Variants in RFTN2 observed in about 807,000 individuals in gnomAD.
RFTN2 encodes the protein raftlin family member 2.
Under a neutral mutation model 52.7 loss-of-function variants are expected in RFTN2, and 34 were observed. The observed-to-expected ratio is 0.64, with a 90% confidence interval of 0.49 to 0.86. The LOEUF (loss-of-function observed/expected upper bound fraction) is 0.86. Among genes scored for constraint, RFTN2 ranks in the 40% least tolerant of loss-of-function variants. The pLI is 0.00. For synonymous variants in RFTN2, 203 were observed against 217.7 expected (o/e 0.93, Z 0.59); for missense variants, 536 against 600.1 (o/e 0.89, Z 1.12).
At chr2:197,590,027 TC>T (rs1206896641) in intron 8 of RFTN2, among the ~76,000 whole-genome samples, 8 of 104,412 alleles carry the variant, frequency 7.7e-5, no homozygotes, top group Non-Finnish European at 1.4e-4. Context: ...CCACCCCCAC[TC>T]CCCCAAGTAG....
chr2:197,617,312 A>G (rs551342947), intron 6 of RFTN2, among the ~76,000 whole-genome samples: 2 of 152,306 alleles, frequency 1.3e-5, no homozygotes, highest in African/African-American at 4.8e-5. Context: ...TTATTTCTCT[A>G]TCTTGCAAAA....
At chr2:197,642,213 T>C (rs2088684832) in intron 3 of RFTN2, among the ~76,000 whole-genome samples, 1 of 152,174 alleles carries the variant, frequency 6.6e-6, no homozygotes, top group Admixed American at 6.5e-5. Context: ...ATACATAGTA[T>C]TTAACGCTTG....
In RFTN2 at chr2:197,581,105, C is replaced by A. The variant is rs188325205; in HGVS notation, c.1234-8825G>T. ...CCCTTACCCTGCTCAATGCCACTAT[C>A]CCATCCCACAACAGGCTTTAAGGGG... On this transcript the variant is annotated intron_variant, in intron 8 of 8. Coordinates refer to ENST00000295049, the MANE Select transcript of RFTN2 (RefSeq NM_144629.3). Among the ~76,000 whole-genome samples, 148 of 152,278 alleles carry A rather than the reference C, an allele frequency of 9.7e-4. 2 individuals carry two copies. The highest frequency in any genetic ancestry group is 1.3e-4 in the Non-Finnish European group (9 of 68,034).
intron 1 of RFTN2, among the ~76,000 whole-genome samples, chr2:197,666,423 G>T (rs947416513): frequency 1.3e-5 from 2 of 152,160 alleles, no homozygotes; most frequent in Non-Finnish European, 2.9e-5. Flanking sequence ...AGTATCCTTG[G>T]CTGGCAGTAT....
intron 3 of RFTN2, among the ~76,000 whole-genome samples, chr2:197,636,058 C>T (rs1472404329): frequency 1.4e-4 from 21 of 149,556 alleles, no homozygotes; most frequent in Non-Finnish European, 3.1e-4. Flanking sequence ...AGATATGCGG[C>T]GTTATTTCTG....
intron 8 of RFTN2, among the ~76,000 whole-genome samples, chr2:197,588,857 T>C (rs2087643190): frequency 6.6e-6 from 1 of 152,122 alleles, no homozygotes; most frequent in Non-Finnish European, 1.5e-5. Context: ...TGATGGGAGA[T>C]AATTGAATCA....
At chr2:197,584,491 T>C (rs2106172062) in intron 8 of RFTN2, among the ~76,000 whole-genome samples, 1 of 152,314 alleles carries the variant, frequency 6.6e-6, no homozygotes, top group South Asian at 2.1e-4. Context: ...TTTGAGTTCA[T>C]TGTAGATTCT....
intron 8 of RFTN2, 51 bp from the exon 9 acceptor site, chr2:197,572,331 C>G (rs534747740): frequency 1.9e-6 from 3 of 1,573,794 alleles, no homozygotes; most frequent in East Asian, 2.2e-5. Context: ...TGGGTGTTTC[C>G]TGTCCCTCTG....
At chr2:197,596,411 A>G (rs2087795126) in intron 7 of RFTN2, among the ~76,000 whole-genome samples, 1 of 152,126 alleles carries the variant, frequency 6.6e-6, no homozygotes, top group Non-Finnish European at 1.5e-5. Context: ...TGTAATTTGC[A>G]TGTCTGTGAT....
chr2:197,623,730 GA>G lies in RFTN2; in HGVS notation c.929-5810del, dbSNP rs111653490. Among the ~76,000 whole-genome samples, 179 of 152,268 alleles carry G rather than the reference GA, an allele frequency of 1.2e-3. 3 individuals carry two copies. Among genetic ancestry groups the G allele is most frequent in the African/African-American group, 4.1e-3 (171 of 41,550 alleles). On this transcript the variant is annotated intron_variant, in intron 5 of 8. Transcript: ENST00000295049. ...TGCCCAGGCTGGAGTGCAATGGCAT[GA>G]TCTTGGCTCACTGCAACCTCTGCCT...
At chr2:197,577,673 T>C (rs1339669374) in intron 8 of RFTN2, among the ~76,000 whole-genome samples, 1 of 152,184 alleles carries the variant, frequency 6.6e-6, no homozygotes, top group Non-Finnish European at 1.5e-5. Context: ...GCACAATGAA[T>C]GCATTTACTC....
At chr2:197,664,157 C>T (rs61155920) in intron 1 of RFTN2, among the ~76,000 whole-genome samples, 103,480 of 151,882 alleles carry the variant, frequency 0.68, 35,582 homozygotes, top group Middle Eastern at 0.85. Flanking sequence ...TCTGAGAAGA[C>T]ATTTGATATG....
rs575540408 is a variant in RFTN2, at chr2:197,672,906, T to G, written c.139+2414A>C. Reference sequence around the variant, plus strand: ...AGAGAGATAAGGAGAGAATGGGAGGTGTAAGTTGTTTTGTTTTCTGGGTGG... The same window carrying G: ...AGAGAGATAAGGAGAGAATGGGAGGGGTAAGTTGTTTTGTTTTCTGGGTGG... On this transcript the variant is annotated intron_variant, in intron 1 of 8. Coordinates refer to ENST00000295049, the MANE Select transcript of RFTN2 (RefSeq NM_144629.3). Among the ~76,000 whole-genome samples, 4 of 150,810 alleles carry G rather than the reference T, an allele frequency of 2.7e-5. No individual in the cohort carries two copies. The South Asian group carries it at 8.4e-4, about 32-fold the overall frequency.
At chr2:197,616,034 C>T (rs1194661361) in intron 6 of RFTN2, 55 bp from the exon 7 acceptor site, 13 of 1,026,748 alleles carry the variant, frequency 1.3e-5, no homozygotes, top group Non-Finnish European at 1.8e-5. Flanking sequence ...ACCAACTACA[C>T]AATTACAACA....
intron 1 of RFTN2, among the ~76,000 whole-genome samples, chr2:197,671,124 C>A (rs915267213): frequency 5.9e-5 from 9 of 152,218 alleles, no homozygotes; most frequent in African/African-American, 2.2e-4. Flanking sequence ...GTTCAAAAAG[C>A]CTTTACTGCC....
At chr2:197,615,029 G>C (rs997188849) in intron 7 of RFTN2, among the ~76,000 whole-genome samples, 3 of 152,170 alleles carry the variant, frequency 2.0e-5, no homozygotes, top group Non-Finnish European at 4.4e-5. Flanking sequence ...CCCGAAGAAG[G>C]TGTGGCTTTT....
chr2:197,672,737 A>G (rs2089163935), intron 1 of RFTN2, among the ~76,000 whole-genome samples: 2 of 152,186 alleles, frequency 1.3e-5, no homozygotes, highest in South Asian at 2.1e-4. Context: ...TTCAGCCTAG[A>G]TTCAGGACCC....
At chr2:197,644,094 A>G (rs2088712724) in intron 3 of RFTN2, 64 bp downstream of exon 3, 2 of 933,180 alleles carry the variant, frequency 2.1e-6, no homozygotes, top group Non-Finnish European at 3.6e-6. Flanking sequence ...AAAAAAGGGA[A>G]TTGATGAAGA....
At chr2:197,640,028 G>C (rs2088635524) in intron 3 of RFTN2, among the ~76,000 whole-genome samples, 1 of 152,196 alleles carries the variant, frequency 6.6e-6, no homozygotes, top group South Asian at 2.1e-4. Flanking sequence ...CCCTGCTGGG[G>C]GTGCCTCCCA....
Sources: allele counts gnomAD v4.1 joint callset (sites outside exome capture counted in the v4.1 genomes callset), GRCh38; gene constraint gnomAD v4.1.1; transcripts MANE v1.5; gene names NCBI Gene and HGNC (gene_info 2026-07-23, HGNC 2026-07-21).